The following PELI2 variants were observed in gnomAD, a reference collection of about 807,000 sequenced individuals.
PELI2 encodes E3 ubiquitin-protein ligase pellino homolog 2.
In PELI2, 23 loss-of-function variants were observed where a neutral mutation model predicts 42.3. The ratio of observed to expected loss-of-function variants is 0.54; its 90% CI spans 0.39 to 0.77. The LOEUF (loss-of-function observed/expected upper bound fraction) is 0.77, where lower values mean the gene tolerates loss of function less well. PELI2 is among the 30% of genes least tolerant of loss of function. The pLI, the probability that PELI2 is intolerant of heterozygous loss-of-function variation, is 0.00. For synonymous variants in PELI2, 245 were observed against 212.2 expected, an observed-to-expected ratio of 1.15 and a Z score of -1.34; for missense variants, 463 against 553.2, an observed-to-expected ratio of 0.84 and a Z score of 1.64.
At chr14:56,122,667 C>G (rs1409325647) in intron 1 of PELI2, among the ~76,000 whole-genome samples, 2 of 151,998 alleles carry the variant, frequency 1.3e-5, no homozygotes, top group East Asian at 3.9e-4. Flanking sequence ...GGTTCTTAAC[C>G]TAGGGTCCAC....
chr14:56,166,700 C>T (rs1884976627), intron 1 of PELI2, among the ~76,000 whole-genome samples: 1 of 152,124 alleles, frequency 6.6e-6, no homozygotes. Context: ...TCTTCTCTGG[C>T]CTCTGAGGTT....
chr14:56,238,351 G>A (rs5008735), intron 2 of PELI2, among the ~76,000 whole-genome samples: 61,101 of 151,842 alleles, frequency 0.4, 12,962 homozygotes, highest in South Asian at 0.53. Context: ...GTCAATTGCT[G>A]TTTCGTATTA....
At chr14:56,119,762 G>A (rs541685077) in intron 1 of PELI2, 3 of 979,164 alleles carry the variant, frequency 3.1e-6, no homozygotes, top group Non-Finnish European at 3.6e-6. Flanking sequence ...TAGTGTTGAA[G>A]AAAGGATTAT....
At chr14:56,188,226 A>T (rs1353249654) in intron 2 of PELI2, among the ~76,000 whole-genome samples, 1 of 151,980 alleles carries the variant, frequency 6.6e-6, no homozygotes, top group East Asian at 1.9e-4. Flanking sequence ...TCATTTCTGT[A>T]CTCCCATTGC....
At chr14:56,228,549 G>A (rs1263493957) in intron 2 of PELI2, among the ~76,000 whole-genome samples, 2 of 152,232 alleles carry the variant, frequency 1.3e-5, no homozygotes, top group African/African-American at 2.4e-5. Context: ...GAAAATACAC[G>A]ATTATAAACT....
intron 2 of PELI2, among the ~76,000 whole-genome samples, chr14:56,258,968 AAG>A (rs1433527432): frequency 1.3e-5 from 2 of 152,142 alleles, no homozygotes; most frequent in Non-Finnish European, 2.9e-5. Flanking sequence ...CCAAAGAAAA[AAG>A]GCAATATGCA....
rs908743616 is a variant in PELI2, at chr14:56,225,283, C to T, written c.207+46819C>T. Among the ~76,000 whole-genome samples the T allele has an allele frequency of 3.3e-5, 5 of 152,012 alleles. No individual in the cohort carries two copies. In the East Asian group the frequency reaches 5.8e-4, roughly 18 times the overall value. On this transcript the variant is annotated intron_variant, in intron 2 of 5. Transcript: ENST00000267460. The stretch of plus-strand genomic sequence containing the variant: ...TGCTGTTAGGAGAGCAGTGTTGGAG[C>T]GAGGCAGAGGCTGGCTGCTCCAGGA...
In PELI2 at chr14:56,298,768, T is replaced by A. The variant is rs1890089891; in HGVS notation, c.*1602T>A. On this transcript the variant is annotated 3_prime_UTR_variant, in exon 6 of 6. Transcript: ENST00000267460. ...TTAATTTGATGTAATATGTTTAAAG[T>A]TCAGCCTCTCAGTTTTAATATAGCT... is the stretch of plus-strand genomic sequence containing the variant. 1 of 152,646 alleles carries A rather than the reference T, an allele frequency of 6.6e-6. No homozygotes were observed. Among genetic ancestry groups the A allele is most frequent in the Non-Finnish European group, 1.5e-5 (1 of 68,040 alleles). The allele number at this position is 152,646 out of a possible 1,614,324, so 9.5% of individuals were successfully genotyped here.
chr14:56,288,683 A>G lies in PELI2; in HGVS notation c.507+49A>G, dbSNP rs541018853. The stretch of plus-strand genomic sequence containing the variant: ...GATTTCTAGAAAAATGCTTGTGATT[A>G]TGATATGGAACATTTAATTGGAGCA... On this transcript the variant is annotated intron_variant, in intron 4 of 5. Coordinates refer to ENST00000267460, the MANE Select transcript of PELI2 (RefSeq NM_021255.3). The surrounding 1 kb of genome is among the most constrained non-coding windows in gnomAD (Gnocchi z 4.6). The G allele has an allele frequency of 1.8e-5, 25 of 1,402,158 alleles. No individual in the cohort carries two copies. The South Asian group carries it at 3.1e-4, about 17-fold the overall frequency. 86.9% of individuals were successfully genotyped at this position (1,402,158 alleles called of 1,614,324 possible).
At chr14:56,182,173 A>G (rs946008315) in intron 2 of PELI2, among the ~76,000 whole-genome samples, 6 of 152,200 alleles carry the variant, frequency 3.9e-5, no homozygotes, top group African/African-American at 1.4e-4. Flanking sequence ...GACCTCTAAA[A>G]AAGTGGTGCG....
chr14:56,130,691 T>G (rs79352179), intron 1 of PELI2, among the ~76,000 whole-genome samples: 3,711 of 152,068 alleles, frequency 0.024, 160 homozygotes, highest in African/African-American at 0.085. Flanking sequence ...CCTTATATCT[T>G]CCCTATTTAC....
At chr14:56,276,056 A>T (rs1889279996) in intron 2 of PELI2, among the ~76,000 whole-genome samples, 1 of 152,096 alleles carries the variant, frequency 6.6e-6, no homozygotes, top group Non-Finnish European at 1.5e-5. Context: ...TTTACTAGAA[A>T]CTCTATTTCT....
intron 1 of PELI2, among the ~76,000 whole-genome samples, chr14:56,127,356 A>G (rs550371953): frequency 2.0e-5 from 3 of 152,336 alleles, no homozygotes; most frequent in Admixed American, 2.0e-4. Flanking sequence ...AGCATCCTGC[A>G]GGTACAGGAT....
Position 56,197,916 on chromosome 14 carries a change from GAC to G in PELI2, c.207+19483_207+19484del, listed in dbSNP as rs55861626. Among the ~76,000 whole-genome samples, 3,527 of 138,184 alleles carry G rather than the reference GAC, an allele frequency of 0.026. 126 individuals carry two copies. Among genetic ancestry groups the G allele is most frequent in the African/African-American group, 0.084 (2,984 of 35,724 alleles). The allele number at this position is 138,184 out of a possible 152,430, so 90.7% of individuals were successfully genotyped here. A position where few individuals can be genotyped will look rare whatever the true frequency, so the allele number is the denominator to read the frequency against. ...CACACCAGGAATGGTGACTGGTGAA[GAC>G]ACACACACACACACACACACACACA... On this transcript the variant is annotated intron_variant, in intron 2 of 5. Coordinates refer to ENST00000267460, the MANE Select transcript of PELI2 (RefSeq NM_021255.3). This position sits in a 1 kb window ranked among gnomAD's most constrained non-coding sequence, Gnocchi z 4.9.
intron 1 of PELI2, among the ~76,000 whole-genome samples, chr14:56,135,576 T>C (rs1883656922): frequency 6.6e-6 from 1 of 152,250 alleles, no homozygotes; most frequent in African/African-American, 2.4e-5. Context: ...AGAGGTGACA[T>C]CTTTTGGCTT....
chr14:56,276,957 C>T lies in PELI2; in HGVS notation c.208-2719C>T, dbSNP rs56840648. On this transcript the variant is annotated intron_variant, in intron 2 of 5. Transcript: ENST00000267460. ...ACTCCCCTTTGCTGTGGGCAGTTTC[C>T]AGGTAATGTGATGCTTTCGCTATAA... 6.2e-3 allele frequency among the ~76,000 whole-genome samples: 942 copies of T among 152,234 alleles called. 6 individuals are homozygous for T. Among genetic ancestry groups the T allele is most frequent in the African/African-American group, 0.022 (898 of 41,532 alleles).
intron 2 of PELI2, among the ~76,000 whole-genome samples, chr14:56,224,955 T>C (rs1377093781): frequency 6.6e-6 from 1 of 152,162 alleles, no homozygotes; most frequent in Admixed American, 6.5e-5. Context: ...TAATTGCTGA[T>C]AGTAATTACT....
intron 2 of PELI2, among the ~76,000 whole-genome samples, chr14:56,235,067 A>AG (rs1271728229): frequency 3.3e-5 from 5 of 152,212 alleles, no homozygotes; most frequent in African/African-American, 9.6e-5. Context: ...AGGCTTAGGA[A>AG]GTATATCAGG....
At chr14:56,204,820 G>A (rs2139714420) in intron 2 of PELI2, among the ~76,000 whole-genome samples, 1 of 152,098 alleles carries the variant, frequency 6.6e-6, no homozygotes, top group South Asian at 2.1e-4. Context: ...GGATCATGAG[G>A]TTAGATCGAG....
Sources: gnomAD v4.1 joint callset for allele counts (sites outside exome capture counted in the v4.1 genomes callset) on GRCh38, gnomAD v4.1.1 for gene constraint, Gnocchi (gnomAD v3.1) non-coding constraint, MANE v1.5 for transcripts, NCBI Gene and HGNC (gene_info 2026-07-23, HGNC 2026-07-21) for gene names.